The following RYR3 variants were observed in gnomAD, a reference collection of about 807,000 sequenced individuals.
RYR3 encodes the protein ryanodine receptor 3, also known as brain ryanodine receptor-calcium release channel.
In RYR3, 207 loss-of-function variants were observed where a neutral mutation model predicts 584.3. The ratio of observed to expected loss-of-function variants is 0.35; its 90% CI spans 0.32 to 0.40. The LOEUF is 0.40. Ranked by LOEUF, RYR3 falls within the 10% of genes least tolerant of loss-of-function variation. RYR3 has a pLI of 1.00. For synonymous variants in RYR3, 2,416 were observed against 2,248.5 expected (o/e 1.07, Z -2.11); for missense variants, 5,616 against 6,089.2 (o/e 0.92, Z 2.59).
At chr15:33,461,673 T>G (rs960660699) in intron 1 of RYR3, among the ~76,000 whole-genome samples, 4 of 152,192 alleles carry the variant, frequency 2.6e-5, no homozygotes, top group South Asian at 4.1e-4. Flanking sequence ...AGGGATAAGT[T>G]TTCCAATGGA....
chr15:33,582,351 T>C (rs1007933360), intron 14 of RYR3, among the ~76,000 whole-genome samples: 5 of 152,080 alleles, frequency 3.3e-5, no homozygotes, highest in Non-Finnish European at 5.9e-5. Context: ...AAATCTATCA[T>C]AGAAAGTTCA....
intron 8 of RYR3, among the ~76,000 whole-genome samples, chr15:33,544,137 G>A (rs549284499): frequency 6.6e-6 from 1 of 152,248 alleles, no homozygotes; most frequent in Admixed American, 6.5e-5. Context: ...TGCCAAGGGT[G>A]CATTTAGAGG....
At chr15:33,703,244 C>A (rs551323416) in intron 42 of RYR3, among the ~76,000 whole-genome samples, 5 of 152,210 alleles carry the variant, frequency 3.3e-5, no homozygotes, top group Admixed American at 2.6e-4. Context: ...ACAGACAAAA[C>A]GCCCGTGTTT....
intron 40 of RYR3, among the ~76,000 whole-genome samples, chr15:33,698,479 G>A (rs987299774): frequency 6.6e-6 from 1 of 152,220 alleles, no homozygotes. Context: ...GCATCAGGGG[G>A]AGCTCCTGTT....
intron 1 of RYR3, among the ~76,000 whole-genome samples, chr15:33,438,825 A>C (rs1381306114): frequency 6.6e-6 from 1 of 152,230 alleles, no homozygotes; most frequent in African/African-American, 2.4e-5. Flanking sequence ...TCTATTGCAC[A>C]TTATTATTTA....
At chr15:33,802,004 C>T (rs777126675) in intron 69 of RYR3, 43 bp downstream of exon 69, 14 of 1,133,648 alleles carry the variant, frequency 1.2e-5, no homozygotes, top group East Asian at 2.3e-5. Flanking sequence ...TCAACCCTAA[C>T]CTCAGCCATG....
chr15:33,581,478 G>A (rs759866688), intron 13 of RYR3, 30 bp from the exon 14 acceptor site: 1 of 1,609,700 alleles, frequency 6.2e-7, no homozygotes, highest in South Asian at 1.1e-5. Context: ...AATCAGCAAT[G>A]TTTACATTTT....
At chr15:33,651,669 C>T (rs1390069090) in intron 31 of RYR3, among the ~76,000 whole-genome samples, 1 of 152,220 alleles carries the variant, frequency 6.6e-6, no homozygotes, top group Non-Finnish European at 1.5e-5. Flanking sequence ...GCCAAATGTA[C>T]TATCCCTGCC....
chr15:33,633,178 G>A, intron 24 of RYR3, 70 bp downstream of exon 24: 1 of 1,533,692 alleles, frequency 6.5e-7, no homozygotes, highest in Non-Finnish European at 8.9e-7. Context: ...GTTTTGCTTT[G>A]GTGTGTGTTA....
At chr15:33,855,708 C>CA (rs1323175239) in intron 98 of RYR3, among the ~76,000 whole-genome samples, 2 of 151,948 alleles carry the variant, frequency 1.3e-5, no homozygotes, top group African/African-American at 4.8e-5. Context: ...TTGTTATACA[C>CA]ATAGTACACA....
In RYR3 at chr15:33,444,261, C is replaced by T. The variant is rs1322032842; in HGVS notation, c.52-29158C>T. On this transcript the variant is annotated intron_variant, in intron 1 of 103. Transcript: ENST00000634891. ...TCTGGGAGCAAAAAGCTTGTTAGAA[C>T]AGGAAGTTTTCTAAGCAGCCCCCTC... Among the ~76,000 whole-genome samples, 9 of 152,166 alleles carry T rather than the reference C, an allele frequency of 5.9e-5. No individual in the cohort carries two copies. In the East Asian group the frequency reaches 1.7e-3, roughly 29 times the overall value.
At chr15:33,479,483 T>A (rs73382461) in intron 2 of RYR3, among the ~76,000 whole-genome samples, 21,611 of 148,936 alleles carry the variant, frequency 0.15, 4,268 homozygotes, top group African/African-American at 0.46. Flanking sequence ...GCTGAGATTT[T>A]GACTTTTTTT....
intron 1 of RYR3, among the ~76,000 whole-genome samples, chr15:33,380,824 A>C (rs913707004): frequency 1.3e-5 from 2 of 152,190 alleles, no homozygotes; most frequent in African/African-American, 4.8e-5. Context: ...TTAGCTTGCA[A>C]AGCTCTCCTC....
At chr15:33,774,640 C>T (rs1353440865) in intron 64 of RYR3, among the ~76,000 whole-genome samples, 1 of 152,184 alleles carries the variant, frequency 6.6e-6, no homozygotes, top group Non-Finnish European at 1.5e-5. Context: ...ATAATCACGG[C>T]TTCTAAATAG....
At chr15:33,411,113 C>G (rs543028332) in intron 1 of RYR3, among the ~76,000 whole-genome samples, 3 of 152,280 alleles carry the variant, frequency 2.0e-5, no homozygotes, top group Admixed American at 6.5e-5. Flanking sequence ...ATCAGCCACC[C>G]TCCCTCCTTG....
At chr15:33,741,434 T>C (rs558528913) in intron 51 of RYR3, among the ~76,000 whole-genome samples, 1 of 152,164 alleles carries the variant, frequency 6.6e-6, no homozygotes, top group Non-Finnish European at 1.5e-5. Context: ...AAGTCTGATT[T>C]GCCCAGTCAT....
At chr15:33,823,715 G>C (rs1002689290) in intron 81 of RYR3, among the ~76,000 whole-genome samples, 1 of 152,174 alleles carries the variant, frequency 6.6e-6, no homozygotes, top group East Asian at 1.9e-4. Context: ...CAGAGTCATA[G>C]GTCATGATAC....
intron 43 of RYR3, 151 bp from the exon 44 acceptor site, chr15:33,722,564 C>A: frequency 1.4e-6 from 1 of 699,222 alleles, no homozygotes. Flanking sequence ...TTAGTTCCTT[C>A]TCCACTCCCA....
At chr15:33,336,369 T>C (rs1970964319) in intron 1 of RYR3, among the ~76,000 whole-genome samples, 2 of 148,906 alleles carry the variant, frequency 1.3e-5, no homozygotes, top group Admixed American at 1.4e-4. Flanking sequence ...GAGGCTGCAG[T>C]GAGCTGAGAT....
Sources: allele counts gnomAD v4.1 joint callset (sites outside exome capture counted in the v4.1 genomes callset), GRCh38; gene constraint gnomAD v4.1.1; transcripts MANE v1.5; gene names NCBI Gene and HGNC (gene_info 2026-07-23, HGNC 2026-07-21).